The following LARS2 variants were observed in gnomAD, a reference collection of about 807,000 sequenced individuals.
LARS2 encodes leucine--tRNA ligase, mitochondrial.
LARS2 carries 81 observed loss-of-function variants against 116.6 expected under a neutral mutation model. That is an observed-to-expected ratio of 0.69 (90% confidence interval 0.58 to 0.84). LARS2 has a LOEUF of 0.84. Among genes scored for constraint, LARS2 ranks in the 40% least tolerant of loss-of-function variants. The pLI is 0.00. For missense variants in LARS2, 968 were observed against 1,114.5 expected (o/e 0.87, Z 1.87); for synonymous variants, 396 against 407.2 (o/e 0.97, Z 0.33).
At chr3:45,517,254 G>C (rs1700381820) in intron 17 of LARS2, among the ~76,000 whole-genome samples, 1 of 152,196 alleles carries the variant, frequency 6.6e-6, no homozygotes, top group African/African-American at 2.4e-5. Flanking sequence ...TGTGCATTCA[G>C]GCTTGAGAAT....
chr3:45,491,948 GC>G (rs1262380613), intron 13 of LARS2, 148 bp downstream of exon 13: 2 of 754,766 alleles, frequency 2.6e-6, no homozygotes, highest in African/African-American at 3.5e-5. Context: ...GGTCTTTGGG[GC>G]CCTTTAAGAG....
At chr3:45,400,462 C>T (rs1698127422) in intron 4 of LARS2, 89 bp downstream of exon 4, 1 of 1,321,868 alleles carries the variant, frequency 7.6e-7, no homozygotes, top group Non-Finnish European at 1.0e-6. Context: ...ATGAAGAAAA[C>T]CAACTTTAGT....
intron 7 of LARS2, among the ~76,000 whole-genome samples, chr3:45,451,719 G>T (rs756470775): frequency 5.3e-4 from 81 of 151,952 alleles, no homozygotes; most frequent in Non-Finnish European, 8.7e-4. Context: ...GATTTTAGGG[G>T]TTTTTTTCTA....
intron 21 of LARS2, among the ~76,000 whole-genome samples, chr3:45,543,342 C>A (rs1174239877): frequency 6.6e-6 from 1 of 152,068 alleles, no homozygotes; most frequent in Non-Finnish European, 1.5e-5. Context: ...GACAAGGCCT[C>A]ACTCTGTTGC....
chr3:45,393,596 A>G (rs1461685159), intron 2 of LARS2, among the ~76,000 whole-genome samples: 1 of 151,884 alleles, frequency 6.6e-6, no homozygotes, highest in Non-Finnish European at 1.5e-5. Flanking sequence ...AAAAACAGAG[A>G]AAGAAAGAAG....
At chr3:45,414,780 A>C (rs1231970080) in intron 4 of LARS2, among the ~76,000 whole-genome samples, 1 of 151,994 alleles carries the variant, frequency 6.6e-6, no homozygotes, top group African/African-American at 2.4e-5. Context: ...TTGACAGCCC[A>C]TGAACTTGAT....
chr3:45,483,610 C>G (rs571457595), intron 10 of LARS2, among the ~76,000 whole-genome samples: 1 of 152,230 alleles, frequency 6.6e-6, no homozygotes, highest in South Asian at 2.1e-4. Flanking sequence ...GATCACACCA[C>G]TGTACTCTAG....
chr3:45,450,409 C>T (rs557381069), intron 7 of LARS2, among the ~76,000 whole-genome samples: 1 of 152,170 alleles, frequency 6.6e-6, no homozygotes, highest in South Asian at 2.1e-4. Flanking sequence ...CCCTTCCTTT[C>T]CCAGCCCCAG....
chr3:45,460,235 C>T (rs1262116314), intron 8 of LARS2, among the ~76,000 whole-genome samples: 1 of 152,156 alleles, frequency 6.6e-6, no homozygotes, highest in Non-Finnish European at 1.5e-5. Context: ...AACATGGTGC[C>T]TTGCTCCTTT....
chr3:45,541,989 A>G (rs1240281762), intron 21 of LARS2, 33 bp downstream of exon 21: 2 of 1,612,294 alleles, frequency 1.2e-6, no homozygotes, highest in African/African-American at 2.7e-5. Flanking sequence ...AGAACCCAGC[A>G]GTCCCTGCCC....
chr3:45,388,744 C>T (rs1339491764), intron 1 of LARS2, 64 bp downstream of exon 1: 4 of 152,346 alleles, frequency 2.6e-5, no homozygotes, highest in African/African-American at 7.2e-5. Context: ...TCCTCCGGCT[C>T]GGGAGATTCT....
intron 6 of LARS2, among the ~76,000 whole-genome samples, chr3:45,428,101 G>A (rs376094507): frequency 1.3e-5 from 2 of 151,826 alleles, no homozygotes; most frequent in African/African-American, 2.4e-5. Context: ...GATTACAGGC[G>A]TGAGCCACCA....
chr3:45,491,456 C>A, intron 12 of LARS2, 61 bp from the exon 13 acceptor site: 1 of 1,551,394 alleles, frequency 6.4e-7, no homozygotes, highest in Admixed American at 1.7e-5. Flanking sequence ...CTGGTGGCAG[C>A]ATCAGGGTGG....
intron 7 of LARS2, among the ~76,000 whole-genome samples, chr3:45,453,642 T>C (rs1290131270): frequency 1.3e-5 from 2 of 152,214 alleles, no homozygotes; most frequent in African/African-American, 2.4e-5. Flanking sequence ...ACCCCTGGAC[T>C]CAGTCCAAAT....
chr3:45,501,461 G>GT (rs1411695760), intron 15 of LARS2, among the ~76,000 whole-genome samples: 2 of 151,982 alleles, frequency 1.3e-5, no homozygotes, highest in Admixed American at 6.6e-5. Flanking sequence ...TCACTCAACA[G>GT]TTTTTTGAGA....
intron 10 of LARS2, among the ~76,000 whole-genome samples, chr3:45,480,107 G>C (rs1699672536): frequency 6.6e-6 from 1 of 152,134 alleles, no homozygotes; most frequent in South Asian, 2.1e-4. Context: ...GTAATTCTGG[G>C]GTAATGGTTT....
chr3:45,517,607 C>T (rs1003542775), intron 17 of LARS2, among the ~76,000 whole-genome samples: 4 of 152,180 alleles, frequency 2.6e-5, no homozygotes, highest in Non-Finnish European at 4.4e-5. Flanking sequence ...GGCGGGGCAC[C>T]AGGGCTCATC....
At chr3:45,457,208 C>T (rs1297119742) in intron 7 of LARS2, among the ~76,000 whole-genome samples, 1 of 152,186 alleles carries the variant, frequency 6.6e-6, no homozygotes, top group African/African-American at 2.4e-5. Context: ...CCCCTGCTAG[C>T]CCATGGCCAG....
chr3:45,415,528 A>G (rs1698398611), intron 4 of LARS2, among the ~76,000 whole-genome samples: 1 of 152,164 alleles, frequency 6.6e-6, no homozygotes, highest in Non-Finnish European at 1.5e-5. Context: ...AAGCATAGCT[A>G]GTGGTTTGCA....
Sources: allele counts gnomAD v4.1 joint callset (sites outside exome capture counted in the v4.1 genomes callset), GRCh38; gene constraint gnomAD v4.1.1; transcripts MANE v1.5; gene names NCBI Gene and HGNC (gene_info 2026-07-23, HGNC 2026-07-21).